The following CORO2A variants were observed in gnomAD, a reference collection of about 807,000 sequenced individuals.
The protein encoded by CORO2A is coronin-2A.
In CORO2A, 47 loss-of-function variants were observed where a neutral mutation model predicts 62.4. The ratio of observed to expected loss-of-function variants is 0.75; its 90% CI spans 0.60 to 0.96. The LOEUF (loss-of-function observed/expected upper bound fraction) is 0.96, where lower values mean the gene tolerates loss of function less well. Ranked by LOEUF, CORO2A falls within the 40% of genes least tolerant of loss-of-function variation. The pLI is 0.00. For synonymous variants in CORO2A, 273 were observed against 268.9 expected, an observed-to-expected ratio of 1.02 and a Z score of -0.15; for missense variants, 610 against 684.1, an observed-to-expected ratio of 0.89 and a Z score of 1.21.
chr9:98,124,586 G>T lies in CORO2A; in HGVS notation c.*188C>A. 1.9e-6 allele frequency: 1 copy of T among 532,592 alleles called. No individual in the cohort carries two copies. The highest frequency in any genetic ancestry group is 3.1e-6 in the Non-Finnish European group (1 of 319,162). The allele number at this position is 532,592 out of a possible 1,614,324, so 33.0% of individuals were successfully genotyped here. On this transcript the variant is annotated 3_prime_UTR_variant, in exon 12 of 12. Transcript: ENST00000375077. ...AAACAAAGTCAATTCAGAAACTGTT[G>T]TTGCAAGAAGGCAAACAGAAAAACG... is the stretch of plus-strand genomic sequence containing the variant.
At chr9:98,127,331 C>T (rs1827336274) in intron 10 of CORO2A, among the ~76,000 whole-genome samples, 1 of 152,160 alleles carries the variant, frequency 6.6e-6, no homozygotes, top group African/African-American at 2.4e-5. Context: ...ACCAGGAGGC[C>T]CGCTCAGCCA....
At chr9:98,161,823 T>G (rs933562384) in intron 1 of CORO2A, among the ~76,000 whole-genome samples, 1 of 151,982 alleles carries the variant, frequency 6.6e-6, no homozygotes, top group African/African-American at 2.4e-5. Flanking sequence ...GAGCTTACAT[T>G]AACAACAGCC....
intron 1 of CORO2A, among the ~76,000 whole-genome samples, chr9:98,159,119 G>A (rs1412056190): frequency 6.6e-6 from 1 of 151,700 alleles, no homozygotes; most frequent in Non-Finnish European, 1.5e-5. Flanking sequence ...GAGTGCAGTG[G>A]TGTGATCATA....
At chr9:98,129,346 A>G (rs571627574) in intron 8 of CORO2A, among the ~76,000 whole-genome samples, 4 of 152,222 alleles carry the variant, frequency 2.6e-5, no homozygotes, top group African/African-American at 7.2e-5. Flanking sequence ...CCTTACTTTT[A>G]ATCTAGCCAT....
chr9:98,156,549 A>G (rs184309708), intron 2 of CORO2A, among the ~76,000 whole-genome samples: 15 of 152,294 alleles, frequency 9.8e-5, no homozygotes, highest in Non-Finnish European at 2.1e-4. Flanking sequence ...ATAGTTTTTA[A>G]GTTTCCAAAT....
intron 1 of CORO2A, among the ~76,000 whole-genome samples, chr9:98,184,871 C>G (rs552542866): frequency 1.5e-3 from 227 of 152,284 alleles, no homozygotes; most frequent in African/African-American, 5.3e-3. Context: ...TCCCTAACCC[C>G]TAGGGGCTCC....
chr9:98,146,416 A>G (rs1587999326), intron 2 of CORO2A, among the ~76,000 whole-genome samples: 1 of 152,096 alleles, frequency 6.6e-6, no homozygotes, highest in South Asian at 2.1e-4. Flanking sequence ...AGAGGGAGGG[A>G]CCCTGCCTGC....
Position 98,191,930 on chromosome 9 carries a change from T to C in CORO2A, c.-1+629A>G, listed in dbSNP as rs1329747518. Among the ~76,000 whole-genome samples the C allele has an allele frequency of 2.0e-5, 3 of 152,210 alleles. No homozygotes were observed. The East Asian group carries it at 5.8e-4, about 29-fold the overall frequency. ...ATACCACTCTCTAAATCGAGGTGCC[T>C]ACGTGGGGCTGGTCCAGGCAGTCGT... On this transcript the variant is annotated intron_variant, in intron 1 of 11. Coordinates refer to ENST00000375077, the MANE Select transcript of CORO2A (RefSeq NM_052820.4).
chr9:98,170,183 CTG>C (rs1828014657), intron 1 of CORO2A, among the ~76,000 whole-genome samples: 1 of 152,206 alleles, frequency 6.6e-6, no homozygotes, highest in South Asian at 2.1e-4. Flanking sequence ...TTCCTGCCCA[CTG>C]TGTTTTTTCC....
At chr9:98,136,174 C>T (rs1025899668) in intron 3 of CORO2A, among the ~76,000 whole-genome samples, 1 of 152,174 alleles carries the variant, frequency 6.6e-6, no homozygotes, top group African/African-American at 2.4e-5. Flanking sequence ...TTGATGGGAG[C>T]CTTCAAAGCA....
intron 7 of CORO2A, 149 bp downstream of exon 7, chr9:98,130,806 C>G (rs1827393202): frequency 1.6e-6 from 1 of 632,318 alleles, no homozygotes. Flanking sequence ...TCCTAGGGAG[C>G]CAGGAGGGTG....
At chr9:98,134,982 A>G (rs1167155746) in intron 3 of CORO2A, 27 bp from the exon 4 acceptor site, 2 of 1,609,528 alleles carry the variant, frequency 1.2e-6, no homozygotes, top group African/African-American at 2.7e-5. Context: ...GGCCCAAGGC[A>G]GCATTAGCCA....
At position 98,133,038 on chromosome 9, in the gene CORO2A, C is replaced by T. The variant is rs770735431; in HGVS notation, c.648G>A (p.Gln216=). Reference sequence around the variant, plus strand: ...AGCCAGCCCCTGGCCCAGAACTGACCTGGAGGACGGTCCCTGCTCGGGGGT... The same window carrying T: ...AGCCAGCCCCTGGCCCAGAACTGACTTGGAGGACGGTCCCTGCTCGGGGGT... ...VIDPRAGTVL[Q]EASYKGHRAS... Residue 216 remains glutamine, a splice_region_variant and synonymous_variant, in exon 5 of 12, where the codon CAG becomes CAA. Transcript: ENST00000375077. 12 of 1,614,026 alleles carry T rather than the reference C, an allele frequency of 7.4e-6. No homozygotes were observed. In the South Asian group the frequency reaches 1.1e-4, roughly 15 times the overall value.
At chr9:98,158,542 T>C (rs1441859499) in intron 1 of CORO2A, among the ~76,000 whole-genome samples, 1 of 152,130 alleles carries the variant, frequency 6.6e-6, no homozygotes, top group African/African-American at 2.4e-5. Context: ...TTGGAAACAG[T>C]AGGCCTGAGC....
chr9:98,167,502 T>G (rs894498074), intron 1 of CORO2A, among the ~76,000 whole-genome samples: 2 of 152,224 alleles, frequency 1.3e-5, no homozygotes, highest in African/African-American at 2.4e-5. Flanking sequence ...ATACATATAT[T>G]TTTTAAAAGA....
chr9:98,135,775 T>C (rs1827477369), intron 3 of CORO2A, among the ~76,000 whole-genome samples: 1 of 152,184 alleles, frequency 6.6e-6, no homozygotes, highest in Non-Finnish European at 1.5e-5. Flanking sequence ...TTGCTTTCAA[T>C]TCAGCAAATA....
Position 98,189,431 on chromosome 9 carries a change from C to G in CORO2A, c.-1+3128G>C, listed in dbSNP as rs537585542. The stretch of plus-strand genomic sequence containing the variant: ...CACACCAACTTCTAAAACGATCCAG[C>G]TTCTGGCCATTTTGAAATAGCAAAG... On this transcript the variant is annotated intron_variant, in intron 1 of 11. Transcript: ENST00000375077. Among the ~76,000 whole-genome samples the G allele has an allele frequency of 2.6e-5, 4 of 152,344 alleles. No individual in the cohort carries two copies. The South Asian group carries it at 6.2e-4, about 24-fold the overall frequency.
At chr9:98,142,439 GC>G (rs1827583240) in intron 2 of CORO2A, among the ~76,000 whole-genome samples, 1 of 151,908 alleles carries the variant, frequency 6.6e-6, no homozygotes, top group Admixed American at 6.6e-5. Context: ...CCTGCACACA[GC>G]CTTTCCTTTC....
Position 98,133,145 on chromosome 9 carries a change from C to G in CORO2A, c.541G>C (p.Asp181His), listed in dbSNP as rs1827434743. The G allele has an allele frequency of 1.9e-6, 3 of 1,614,138 alleles. No homozygotes were observed. In the African/African-American group the frequency reaches 4.0e-5, roughly 22 times the overall value. ...SPMSTISCHQ[D>H]VILSMSFNTN... ...TTGAAGGACATGGAGAGGATCACATCTTGGTGACAGCTAATCGTACTCATG... is the reference window on the plus strand; with the variant it reads ...TTGAAGGACATGGAGAGGATCACATGTTGGTGACAGCTAATCGTACTCATG... Residue 181 changes from aspartate (D) to histidine (H), a missense_variant, in exon 5 of 12, where the codon GAT becomes CAT. Transcript: ENST00000375077.
Sources: allele counts gnomAD v4.1 joint callset (sites outside exome capture counted in the v4.1 genomes callset), GRCh38; gene constraint gnomAD v4.1.1; transcripts MANE v1.5; gene names NCBI Gene and HGNC (gene_info 2026-07-23, HGNC 2026-07-21).